ADA2: variants seen among roughly 807,000 people sequenced by gnomAD.
ADA2 encodes the protein adenosine deaminase 2, also known as adenosine deaminase CECR1.
A neutral mutation model predicts 44.2 loss-of-function variants in ADA2; 29 were observed. The observed-to-expected ratio is 0.66, with a 90% confidence interval of 0.49 to 0.89. ADA2 has a LOEUF of 0.89. Ranked by LOEUF, ADA2 falls within the 40% of genes least tolerant of loss-of-function variation. The pLI, the probability that ADA2 is intolerant of heterozygous loss-of-function variation, is 0.00. For missense variants in ADA2, 637 were observed against 644.8 expected (o/e 0.99, Z 0.13); for synonymous variants, 215 against 234.9 (o/e 0.92, Z 0.77).
intron 1 of ADA2, among the ~76,000 whole-genome samples, chr22:17,215,167 A>C (rs2062457357): frequency 6.6e-6 from 1 of 152,258 alleles, no homozygotes; most frequent in African/African-American, 2.4e-5. Context: ...CTGAAAGAAT[A>C]ACAAAGGCAG....
chr22:17,199,808 A>G (rs1267042664), intron 4 of ADA2: 12 of 1,363,378 alleles, frequency 8.8e-6, no homozygotes, highest in Non-Finnish European at 1.1e-5. Flanking sequence ...ATAGCTGGGC[A>G]TGGCTCGCGT....
At chr22:17,190,062 A>G (rs374298069) in intron 5 of ADA2, 30 bp from the exon 6 acceptor site, 5 of 1,533,280 alleles carry the variant, frequency 3.3e-6, no homozygotes, top group Non-Finnish European at 4.5e-6. Context: ...GCCAGGAGAC[A>G]GTGCCCAGCA....
At chr22:17,182,452 C>A (rs998670109) in intron 8 of ADA2, 152 bp downstream of exon 8, 19 of 816,854 alleles carry the variant, frequency 2.3e-5, no homozygotes, top group African/African-American at 3.4e-5. Flanking sequence ...AAAGGCCCCT[C>A]CTGAATAACT....
chr22:17,198,006 C>A (rs2062214906), intron 4 of ADA2, among the ~76,000 whole-genome samples: 1 of 151,560 alleles, frequency 6.6e-6, no homozygotes, highest in Non-Finnish European at 1.5e-5. Context: ...CCATTGCACT[C>A]CAGTCTGGGC....
intron 3 of ADA2, among the ~76,000 whole-genome samples, chr22:17,204,876 C>T (rs1243582241): frequency 1.3e-5 from 2 of 151,158 alleles, no homozygotes; most frequent in African/African-American, 4.9e-5. Flanking sequence ...CTCGCTGCAG[C>T]CTCAATCTCC....
intron 2 of ADA2, among the ~76,000 whole-genome samples, chr22:17,208,844 T>G (rs2062385515): frequency 6.9e-6 from 1 of 144,802 alleles, no homozygotes; most frequent in Non-Finnish European, 1.5e-5. Context: ...TAACATTTTT[T>G]GGGGAACAGG....
chr22:17,199,423 T>TCCCCTCCTCTATCCTCTTCCCCTCCCA, intron 4 of ADA2: 140 of 902,702 alleles, frequency 1.6e-4, no homozygotes, highest in East Asian at 3.0e-4. Context: ...GTCTCCTCCC[T>TCCCCTCCTCTATCCTCTTCCCCTCCCA]CCCCTCCTCT....
chr22:17,183,256 TG>T (rs1168129505), intron 7 of ADA2, among the ~76,000 whole-genome samples: 2 of 151,808 alleles, frequency 1.3e-5, no homozygotes, highest in African/African-American at 4.8e-5. Context: ...GATAATTTTT[TG>T]TATTTTTAGT....
chr22:17,215,061 G>A (rs1281902903), intron 1 of ADA2, among the ~76,000 whole-genome samples: 2 of 152,196 alleles, frequency 1.3e-5, no homozygotes, highest in African/African-American at 2.4e-5. Context: ...CCAGGCATCC[G>A]TCTTGGAGGG....
In ADA2 at chr22:17,180,672, G is replaced by T. The variant is rs2061958809; in HGVS notation, c.*811C>A. The T allele has an allele frequency of 6.6e-6, 1 of 152,156 alleles. No individual in the cohort carries two copies. Among genetic ancestry groups the T allele is most frequent in the African/African-American group, 2.4e-5 (1 of 41,424 alleles). 9.4% of individuals were successfully genotyped at this position (152,156 alleles called of 1,614,324 possible). ...GAAAGGTTTAAAGGGAAGAGACTGA[G>T]GGTTCAGAATTGTACCTCATCAGTT... On this transcript the variant is annotated 3_prime_UTR_variant, in exon 10 of 10. Coordinates refer to ENST00000399837, the MANE Select transcript of ADA2 (RefSeq NM_001282225.2).
At chr22:17,203,828 C>G (rs1489555905) in intron 3 of ADA2, 55 bp from the exon 4 acceptor site, 1 of 1,269,782 alleles carries the variant, frequency 7.9e-7, no homozygotes, top group Non-Finnish European at 1.1e-6. Context: ...ACACTGCCCC[C>G]GGGCGCCCAT....
At chr22:17,220,356 C>T (rs546251842), upstream of ADA2, among the ~76,000 whole-genome samples, 2 of 152,180 alleles carry the variant, frequency 1.3e-5, no homozygotes, top group South Asian at 4.2e-4. Flanking sequence ...AGTCAGACCT[C>T]GCTTTGTAGC....
At chr22:17,210,523 A>G (rs1448012041) in intron 1 of ADA2, among the ~76,000 whole-genome samples, 1 of 151,868 alleles carries the variant, frequency 6.6e-6, no homozygotes, top group Non-Finnish European at 1.5e-5. Flanking sequence ...CATGAGGTCA[A>G]ACAAGCCCTG....
chr22:17,201,212 A>AAAG (rs954350570), intron 4 of ADA2, among the ~76,000 whole-genome samples: 1 of 152,016 alleles, frequency 6.6e-6, no homozygotes, highest in Non-Finnish European at 1.5e-5. Flanking sequence ...CAAAAAAAAA[A>AAAG]AAGAAGAAGA....
rs1293142748 is a variant in ADA2 at position 17,179,619 on chromosome 22, CAG to C, written c.*1862_*1863del. On this transcript the variant is annotated 3_prime_UTR_variant, in exon 10 of 10. Coordinates refer to ENST00000399837, the MANE Select transcript of ADA2 (RefSeq NM_001282225.2). ...AAGGGGAAAGAAGGAATCTTCCAGG[CAG>C]AGAGAAAGAGAAAAGACCCAGGCAC... is the stretch of plus-strand genomic sequence containing the variant. 1.3e-5 allele frequency: 2 copies of C among 152,208 alleles called. No individual in the cohort carries two copies. Among genetic ancestry groups the C allele is most frequent in the Admixed American group, 6.5e-5 (1 of 15,268 alleles). The allele number at this position is 152,208 out of a possible 1,614,324, so 9.4% of individuals were successfully genotyped here. A position where few individuals can be genotyped will look rare whatever the true frequency, so the allele number is the denominator to read the frequency against.
chr22:17,190,136 G>A (rs2062097126), intron 5 of ADA2, 104 bp from the exon 6 acceptor site: 2 of 909,214 alleles, frequency 2.2e-6, no homozygotes, highest in East Asian at 2.5e-5. Flanking sequence ...CAAGTGTGCA[G>A]GTCCCGTTTC....
intron 4 of ADA2, chr22:17,199,433 T>TATCCTATTCCCCTCCCACCCCAACTCA: frequency 1.0e-6 from 1 of 978,046 alleles, no homozygotes; most frequent in Non-Finnish European, 1.6e-6. Context: ...TCCCCTCCTC[T>TATCCTATTCCCCTCCCACCCCAACTCA]ATCCTCTTCC....
chr22:17,203,300 TG>T, intron 4 of ADA2, among the ~76,000 whole-genome samples: 1 of 152,246 alleles, frequency 6.6e-6, no homozygotes, highest in Admixed American at 6.5e-5. Context: ...CACGAGGCCC[TG>T]AGTATCATGG....
intron 4 of ADA2, chr22:17,199,434 A>ATCCTCTTCCCCTCCCCCCCCCCCTCTC: frequency 9.8e-7 from 1 of 1,021,808 alleles, no homozygotes; most frequent in Non-Finnish European, 1.5e-6. Flanking sequence ...CCCCTCCTCT[A>ATCCTCTTCCCCTCCCCCCCCCCCTCTC]TCCTCTTCCC....
Sources: allele counts gnomAD v4.1 joint callset (sites outside exome capture counted in the v4.1 genomes callset), GRCh38; gene constraint gnomAD v4.1.1; transcripts MANE v1.5; gene names NCBI Gene and HGNC (gene_info 2026-07-23, HGNC 2026-07-21).